The following BICD1 variants were observed in gnomAD, a reference collection of about 807,000 sequenced individuals.
BICD1 encodes protein bicaudal D homolog 1.
BICD1 carries 35 observed loss-of-function variants against 92.5 expected under a neutral mutation model. That is an observed-to-expected ratio of 0.38 (90% confidence interval 0.29 to 0.50). The LOEUF is 0.50. Ranked by LOEUF, BICD1 falls within the 20% of genes least tolerant of loss-of-function variation. BICD1 has a pLI of 0.93. For missense variants in BICD1, 950 were observed against 1,189.8 expected, an observed-to-expected ratio of 0.80 and a Z score of 2.97; for synonymous variants, 429 against 465.1, an observed-to-expected ratio of 0.92 and a Z score of 1.00.
intron 9 of BICD1, chr12:32,367,970 A>C: frequency 2.0e-6 from 1 of 498,622 alleles, no homozygotes; most frequent in South Asian, 3.1e-5. Flanking sequence ...GGTAGACTCT[A>C]CAGGCTGCCT....
intron 2 of BICD1, among the ~76,000 whole-genome samples, chr12:32,229,066 A>C (rs892476256): frequency 1.1e-4 from 16 of 152,094 alleles, no homozygotes; most frequent in African/African-American, 3.6e-4. Context: ...CCTGGCTAAC[A>C]TGACAAAACC....
chr12:32,264,868 G>A (rs1371559188), intron 2 of BICD1, among the ~76,000 whole-genome samples: 1 of 152,152 alleles, frequency 6.6e-6, no homozygotes, highest in African/African-American at 2.4e-5. Flanking sequence ...TAGCCCCTAA[G>A]AGGCAGAGAC....
At chr12:32,339,250 A>T (rs1938260106) in intron 8 of BICD1, 1 of 1,150,614 alleles carries the variant, frequency 8.7e-7, no homozygotes, top group South Asian at 3.1e-5. Context: ...AGCAACAAGC[A>T]CAACGCACAC....
At chr12:32,376,876 AG>A (rs36065954) in intron 9 of BICD1, among the ~76,000 whole-genome samples, 14,207 of 63,658 alleles carry the variant, frequency 0.22, 516 homozygotes, top group Non-Finnish European at 0.27. Context: ...TAAAAAAAAA[AG>A]GGGGGGGGGG....
intron 2 of BICD1, among the ~76,000 whole-genome samples, chr12:32,244,661 ACT>A (rs1447338121): frequency 1.5e-5 from 2 of 137,122 alleles, no homozygotes; most frequent in Non-Finnish European, 3.1e-5. Context: ...ATGGAGTCTC[ACT>A]CTGTCGCCAG....
At chr12:32,174,794 A>G (rs1041346152) in intron 1 of BICD1, among the ~76,000 whole-genome samples, 20 of 152,134 alleles carry the variant, frequency 1.3e-4, no homozygotes, top group Admixed American at 2.6e-4. Context: ...TTACTTTTCA[A>G]TGAACATATT....
intron 5 of BICD1, chr12:32,332,908 T>C: frequency 1.0e-6 from 1 of 985,442 alleles, no homozygotes; most frequent in Non-Finnish European, 1.2e-6. Context: ...GAGAAAGTGG[T>C]GAAAGCAGAA....
intron 2 of BICD1, among the ~76,000 whole-genome samples, chr12:32,292,840 C>A (rs2136191597): frequency 6.6e-6 from 1 of 152,226 alleles, no homozygotes; most frequent in South Asian, 2.1e-4. Flanking sequence ...CTTTCCATGA[C>A]TATGAATATG....
chr12:32,346,617 TATATATATATATATATAC>T (rs1938629463), intron 8 of BICD1, among the ~76,000 whole-genome samples: 1 of 526 alleles, frequency 1.9e-3, no homozygotes, highest in African/African-American at 3.4e-3. Context: ...TATATACGTG[TATATATATATATATATAC>T]GTGTATATAT....
intron 4 of BICD1, among the ~76,000 whole-genome samples, chr12:32,320,110 T>C (rs1349579227): frequency 2.0e-5 from 3 of 152,210 alleles, no homozygotes; most frequent in Admixed American, 6.5e-5. Context: ...TTGTTTCTCT[T>C]CAAGCAGAGA....
At chr12:32,132,909 A>G (rs1942603254) in intron 1 of BICD1, among the ~76,000 whole-genome samples, 1 of 152,170 alleles carries the variant, frequency 6.6e-6, no homozygotes, top group African/African-American at 2.4e-5. Context: ...TTAGACTGAG[A>G]GAGAATCTAC....
At chr12:32,238,816 C>A (rs191882076) in intron 2 of BICD1, among the ~76,000 whole-genome samples, 33 of 151,260 alleles carry the variant, frequency 2.2e-4, no homozygotes, top group Non-Finnish European at 8.9e-5. Context: ...CATGGTGGCA[C>A]GCCTGTAATC....
At chr12:32,259,903 C>T (rs190923548) in intron 2 of BICD1, among the ~76,000 whole-genome samples, 1 of 151,216 alleles carries the variant, frequency 6.6e-6, no homozygotes, top group African/African-American at 2.4e-5. Flanking sequence ...CTGTTGTCAA[C>T]ACATATATAT....
intron 2 of BICD1, among the ~76,000 whole-genome samples, chr12:32,255,568 T>C (rs1946694883): frequency 6.6e-6 from 1 of 152,278 alleles, no homozygotes; most frequent in South Asian, 2.1e-4. Context: ...GGCATGGAAC[T>C]TGGAGAAACC....
chr12:32,204,899 A>G lies in BICD1; in HGVS notation c.214-11348A>G, dbSNP rs568527581. Among the ~76,000 whole-genome samples, 6 of 152,306 alleles carry G rather than the reference A, an allele frequency of 3.9e-5. No homozygotes were observed. The East Asian group carries it at 1.2e-3, about 29-fold the overall frequency. On this transcript the variant is annotated intron_variant, in intron 1 of 9. Coordinates refer to ENST00000652176, the MANE Select transcript of BICD1 (RefSeq NM_001714.4). Reference sequence around the variant, plus strand: ...GTTCAGTCTCAATGTTACCCCACGCATCATCCCTTTCTATTATGCGAAGCT... The same window carrying G: ...GTTCAGTCTCAATGTTACCCCACGCGTCATCCCTTTCTATTATGCGAAGCT...
Position 32,360,142 on chromosome 12 carries a change from C to A in BICD1, c.2765-7528C>A, listed in dbSNP as rs545651438. On this transcript the variant is annotated intron_variant, in intron 8 of 9. Transcript: ENST00000652176. The stretch of plus-strand genomic sequence containing the variant: ...GGAGCTTGCCGAGATCACACCACTG[C>A]ACTCCAGCCTGTGCGACAGAGTGAG... 2.0e-5 allele frequency among the ~76,000 whole-genome samples: 3 copies of A among 151,886 alleles called. No individual in the cohort carries two copies. In the South Asian group the frequency reaches 6.2e-4, roughly 32 times the overall value.
chr12:32,180,580 C>A (rs1944242251), intron 1 of BICD1, among the ~76,000 whole-genome samples: 1 of 151,856 alleles, frequency 6.6e-6, no homozygotes, highest in Non-Finnish European at 1.5e-5. Flanking sequence ...AAGAGCATGG[C>A]TCCCTTAAAG....
intron 4 of BICD1, among the ~76,000 whole-genome samples, chr12:32,320,686 A>AC (rs146795942): frequency 0.25 from 37,556 of 151,676 alleles, 4,983 homozygotes; most frequent in East Asian, 0.59. Flanking sequence ...ACTCAGTGAA[A>AC]TAAAAAAAAA....
At chr12:32,123,090 C>T (rs185273189) in intron 1 of BICD1, among the ~76,000 whole-genome samples, 139 of 152,048 alleles carry the variant, frequency 9.1e-4, no homozygotes, top group Non-Finnish European at 1.4e-3. Flanking sequence ...GTAGATAGCA[C>T]GTTAGATCAT....
Sources: gnomAD v4.1 joint callset for allele counts (sites outside exome capture counted in the v4.1 genomes callset) on GRCh38, gnomAD v4.1.1 for gene constraint, MANE v1.5 for transcripts, NCBI Gene and HGNC (gene_info 2026-07-23, HGNC 2026-07-21) for gene names.